CSK: variants seen among roughly 807,000 people sequenced by gnomAD.
CSK encodes tyrosine-protein kinase CSK.
In CSK, 7 loss-of-function variants were observed where a neutral mutation model predicts 62.3. That is an observed-to-expected ratio of 0.11 (90% CI 0.06 to 0.21). The LOEUF (loss-of-function observed/expected upper bound fraction) is 0.21, where lower values mean the gene tolerates loss of function less well. Ranked by LOEUF, CSK falls within the 10% of genes least tolerant of loss-of-function variation. The pLI is 1.00. For synonymous variants in CSK, 237 were observed against 246.0 expected, an observed-to-expected ratio of 0.96 and a Z score of 0.34; for missense variants, 294 against 613.5, an observed-to-expected ratio of 0.48 and a Z score of 5.50.
In CSK at chr15:74,786,002, C is replaced by CTTTTTTTTTTTTTTTTTT. The variant is rs536939856; in HGVS notation, c.-66+3294_-66+3295insTTTTTTTTTTTTTTTTTT. On this transcript the variant is annotated intron_variant, in intron 1 of 12. Transcript: ENST00000220003. ...AGGCCTCTTCTCTCTCTCTCTCTCT[C>CTTTTTTTTTTTTTTTTTT]TTTTTTTTTTTTGTGTGTGTGTGTG... 1.1e-4 allele frequency among the ~76,000 whole-genome samples: 8 copies of CTTTTTTTTTTTTTTTTTT among 73,620 alleles called. 1 individual carries two copies. Among genetic ancestry groups the CTTTTTTTTTTTTTTTTTT allele is most frequent in the Non-Finnish European group, 1.8e-4 (7 of 39,970 alleles). The allele number at this position is 73,620 out of a possible 152,430, so 48.3% of individuals were successfully genotyped here.
chr15:74,794,800 C>G (rs2063680302), intron 1 of CSK, among the ~76,000 whole-genome samples: 1 of 152,092 alleles, frequency 6.6e-6, no homozygotes, highest in African/African-American at 2.4e-5. Flanking sequence ...TGTTGGTTCT[C>G]CCTGGCCGTC....
At position 74,800,877 on chromosome 15, in the gene CSK, A is replaced by G. The variant is rs1361275369; in HGVS notation, c.677A>G (p.Asn226Ser). Residue 226 changes from asparagine to serine, a missense_variant, in exon 8 of 13, where the codon AAC becomes AGC. By Grantham distance (46) the Asn-to-Ser change is conservative. This residue lies in a region of CSK where 202 missense variants were observed against 415.7 expected (regional missense o/e 0.49). Transcript: ENST00000220003. ...AAAGTCGCCGTCAAGTGCATTAAGA[A>G]CGACGCCACTGCCCAGGCCTTCCTG... ...GNKVAVKCIK[N>S]DATAQAFLAE... The G allele has an allele frequency of 1.2e-6, 2 of 1,613,156 alleles. No individual in the cohort carries two copies. The highest frequency in any genetic ancestry group is 1.7e-6 in the Non-Finnish European group (2 of 1,180,014).
rs770878314 is a variant in CSK, at chr15:74,802,396, G to T, written c.1236G>T (p.Pro412=). Residue 412 remains proline (P), a synonymous_variant, in exon 13 of 13, where the codon CCG becomes CCT. Transcript: ENST00000220003. Reference sequence around the variant, plus strand: ...AGATGGATGCCCCCGACGGCTGCCCGCCCGCAGTCTATGAAGTCATGAAGA... The same window carrying T: ...AGATGGATGCCCCCGACGGCTGCCCTCCCGCAGTCTATGAAGTCATGAAGA... ...GYKMDAPDGC[P]PAVYEVMKNC... 3.1e-6 allele frequency: 5 copies of T among 1,612,098 alleles called. No homozygotes were observed. The highest frequency in any genetic ancestry group is 1.7e-4 in the Middle Eastern group (1 of 6,038).
intron 9 of CSK, among the ~76,000 whole-genome samples, chr15:74,801,310 G>C (rs1236079919): frequency 6.6e-6 from 1 of 152,232 alleles, no homozygotes; most frequent in Non-Finnish European, 1.5e-5. Flanking sequence ...TCTGGGAAAT[G>C]GAGATAATAA....
At chr15:74,786,602 C>T (rs149562450) in intron 1 of CSK, among the ~76,000 whole-genome samples, 2 of 152,254 alleles carry the variant, frequency 1.3e-5, no homozygotes, top group East Asian at 1.9e-4. Context: ...TGTTAGCCTC[C>T]CCCTCCTCAG....
In CSK at chr15:74,802,497, A is replaced by C; in HGVS notation, c.1337A>C (p.His446Pro). ...GAGCAGCTTGAGCACATCAAAACCC[A>C]CGAGCTGCACCTGTGACGGCTGGCC... The part of the protein sequence containing the change: ...LREQLEHIKT[H>P]ELHL Residue 446 changes from histidine (H) to proline (P), a missense_variant, in exon 13 of 13, where the codon CAC becomes CCC. His to Pro is a moderately conservative substitution (Grantham distance 77, BLOSUM62 -2). This residue lies in a region of CSK where 66 missense variants were observed against 99.3 expected (regional missense o/e 0.66). Transcript: ENST00000220003. 6.2e-7 allele frequency: 1 copy of C among 1,610,884 alleles called. No individual in the cohort carries two copies. The highest frequency in any genetic ancestry group is 8.5e-7 in the Non-Finnish European group (1 of 1,179,084).
At position 74,801,830 on chromosome 15, in the gene CSK, C is replaced by T; in HGVS notation, c.1023C>T (p.Ser341=). 4 of 1,613,706 alleles carry T rather than the reference C, an allele frequency of 2.5e-6. No homozygotes were observed. The highest frequency in any genetic ancestry group is 3.4e-6 in the Non-Finnish European group (4 of 1,179,924). The part of the protein sequence containing the change: ...SDFGLTKEAS[S]TQDTGKLPVK... ...TTGGTCTCACCAAGGAGGCGTCCAG[C>T]ACCCAGGACACGGGCAAGCTGCCAG... is the stretch of plus-strand genomic sequence containing the variant. The change falls in exon 11 of 13, where the codon AGC becomes AGT. Residue 341 remains serine, a synonymous_variant. Transcript: ENST00000220003.
intron 1 of CSK, among the ~76,000 whole-genome samples, chr15:74,786,013 T>TTTGTGTGTGTG: frequency 6.3e-5 from 3 of 47,816 alleles, no homozygotes; most frequent in African/African-American, 2.0e-4. Flanking sequence ...TTTTTTTTTT[T>TTTGTGTGTGTG]TGTGTGTGTG....
At chr15:74,793,889 A>T (rs2141806433) in intron 1 of CSK, among the ~76,000 whole-genome samples, 1 of 151,940 alleles carries the variant, frequency 6.6e-6, no homozygotes, top group South Asian at 2.1e-4. Flanking sequence ...AGGCATGGGG[A>T]TGTGGAATGC....
chr15:74,800,326 C>G (rs1325099279), intron 5 of CSK, 86 bp from the exon 6 acceptor site: 2 of 1,241,612 alleles, frequency 1.6e-6, no homozygotes, highest in East Asian at 2.5e-5. Context: ...GGGCTGGCCT[C>G]TGCCGCCCTC....
rs1175874954 is a variant in CSK at position 74,802,038 on chromosome 15, T to G, written c.1125T>G (p.Leu375=). 6.2e-7 allele frequency: 1 copy of G among 1,614,106 alleles called. No homozygotes were observed. The highest frequency in any genetic ancestry group is 8.5e-7 in the Non-Finnish European group (1 of 1,180,002). Residue 375 remains leucine (L), a synonymous_variant, in exon 12 of 13, where the codon CTT becomes CTG. Coordinates refer to ENST00000220003, the MANE Select transcript of CSK (RefSeq NM_004383.3). ...CTGACGTGTGGAGTTTCGGAATCCT[T>G]CTCTGGGAAATCTACTCCTTTGGGC... ...TKSDVWSFGI[L]LWEIYSFGRV...
chr15:74,793,051 T>G (rs974339157), intron 1 of CSK: 2 of 152,228 alleles, frequency 1.3e-5, no homozygotes, highest in Non-Finnish European at 2.9e-5. Flanking sequence ...TTCAGGGGTC[T>G]CATGACCCCA....
At chr15:74,796,603 A>AG (rs1051008083) in intron 1 of CSK, among the ~76,000 whole-genome samples, 1 of 152,066 alleles carries the variant, frequency 6.6e-6, no homozygotes, top group African/African-American at 2.4e-5. Context: ...CAAAAAAAAA[A>AG]AAAAAAGAAA....
intron 1 of CSK, among the ~76,000 whole-genome samples, chr15:74,786,002 C>CTCTTTTTTTTTTTTT (rs397829139): frequency 1.4e-5 from 1 of 73,620 alleles, no homozygotes; most frequent in Admixed American, 1.3e-4. Context: ...CTCTCTCTCT[C>CTCTTTTTTTTTTTTT]TTTTTTTTTT....
At position 74,801,841 on chromosome 15, in the gene CSK, C is replaced by T. The variant is rs767170810; in HGVS notation, c.1034C>T (p.Thr345Met). Reference sequence around the variant, plus strand: ...AAGGAGGCGTCCAGCACCCAGGACACGGGCAAGCTGCCAGTCAAGTGGACA... The same window carrying T: ...AAGGAGGCGTCCAGCACCCAGGACATGGGCAAGCTGCCAGTCAAGTGGACA... Reference protein sequence around the residue: ...LTKEASSTQDTGKLPVKWTAP... With the variant: ...LTKEASSTQDMGKLPVKWTAP... Residue 345 changes from threonine (T) to methionine (M), a missense_variant, in exon 11 of 13, where the codon ACG (threonine) becomes ATG (methionine). Physicochemically the swap from Thr to Met is moderately conservative, Grantham distance 81. Transcript: ENST00000220003. 1.1e-5 allele frequency: 17 copies of T among 1,613,408 alleles called. No homozygotes were observed. The highest frequency in any genetic ancestry group is 4.0e-5 in the African/African-American group (3 of 75,050).
At chr15:74,797,338 C>T (rs2063721987) in intron 1 of CSK, among the ~76,000 whole-genome samples, 1 of 152,108 alleles carries the variant, frequency 6.6e-6, no homozygotes, top group African/African-American at 2.4e-5. Flanking sequence ...GGTGGATCAC[C>T]TGAGGTCAGG....
chr15:74,799,575 C>T (rs999111658), intron 5 of CSK, 84 bp downstream of exon 5: 5 of 1,390,324 alleles, frequency 3.6e-6, no homozygotes, highest in Non-Finnish European at 4.9e-6. Flanking sequence ...TCCAGCCCCA[C>T]TGCTTCTGCG....
intron 1 of CSK, among the ~76,000 whole-genome samples, chr15:74,788,123 C>T (rs751556479): frequency 1.3e-5 from 2 of 152,210 alleles, no homozygotes; most frequent in African/African-American, 2.4e-5. Flanking sequence ...GAAGAAGAAG[C>T]GTGGTAGGAG....
chr15:74,800,646 GTGGCCTCCAGGCCCTCAC>G lies in CSK; in HGVS notation c.557-29_557-12del, dbSNP rs780772405. On this transcript the variant is annotated splice_polypyrimidine_tract_variant and intron_variant, in intron 6 of 12. Transcript: ENST00000220003. The stretch of plus-strand genomic sequence containing the variant: ...CTCTGTCATCCCAGCCATGTCCCTA[GTGGCCTCCAGGCCCTCAC>G]TGGCCCCTCCCCACAGGCGGCTGGG... 1.0e-5 allele frequency: 16 copies of G among 1,538,468 alleles called. No homozygotes were observed. The highest frequency in any genetic ancestry group is 1.4e-5 in the Non-Finnish European group (16 of 1,139,126).
Sources: allele counts gnomAD v4.1 joint callset (sites outside exome capture counted in the v4.1 genomes callset), GRCh38; gene constraint gnomAD v4.1.1; regional missense constraint gnomAD v4.1.1; transcripts MANE v1.5; gene names NCBI Gene and HGNC (gene_info 2026-07-23, HGNC 2026-07-21).